OR51M1: variants seen among roughly 807,000 people sequenced by gnomAD.
OR51M1 encodes olfactory receptor 51M1.
For synonymous variants in OR51M1, 199 were observed against 155.1 expected, an observed-to-expected ratio of 1.28 and a Z score of -2.10; for missense variants, 509 against 404.4, an observed-to-expected ratio of 1.26 and a Z score of -2.22.
In OR51M1 at chr11:5,390,094, C is replaced by T. The variant is rs752118550; in HGVS notation, c.696C>T (p.Leu232=). ...TGCTCATCGCACTGTCCTATGGACT[C>T]ATCCTGCACACAGTAGCAGGCCTGG... is the stretch of plus-strand genomic sequence containing the variant. ...DLVLIALSYG[L]ILHTVAGLAS... The change falls in exon 3 of 3, where the codon CTC becomes CTT. Residue 232 remains leucine, a synonymous_variant. Transcript: ENST00000642046. The T allele has an allele frequency of 2.5e-6, 4 of 1,613,770 alleles. No homozygotes were observed. Among genetic ancestry groups the T allele is most frequent in the African/African-American group, 2.7e-5 (2 of 75,054 alleles).
At position 5,389,952 on chromosome 11, in the gene OR51M1, T is replaced by C. The variant is rs990593791; in HGVS notation, c.554T>C (p.Val185Ala). 6.2e-6 allele frequency: 10 copies of C among 1,611,378 alleles called. No homozygotes were observed. Among genetic ancestry groups the C allele is most frequent in the African/African-American group, 1.3e-5 (1 of 74,914 alleles). Residue 185 changes from valine (V) to alanine (A), a missense_variant, in exon 3 of 3, where the codon GTC (valine) becomes GCC (alanine). Transcript: ENST00000642046. ...GCTTTTCCCTACTGTGGATCTGTGG[T>C]CCTCTCCCACTCATTTTGCCTGCAC... is the stretch of plus-strand genomic sequence containing the variant. ...LKAFPYCGSV[V>A]LSHSFCLHQE...
At chr11:5,385,594 A>G (rs550462843) in intron 2 of OR51M1, 136 bp downstream of exon 2, 3 of 152,228 alleles carry the variant, frequency 2.0e-5, no homozygotes, top group Admixed American at 2.0e-4. Flanking sequence ...TAAAAAATGA[A>G]TTATTAGGTT....
intron 2 of OR51M1, among the ~76,000 whole-genome samples, chr11:5,386,372 G>C (rs544029047): frequency 9.9e-5 from 15 of 152,228 alleles, no homozygotes; most frequent in African/African-American, 3.6e-4. Context: ...ATCTTATCCT[G>C]ATTTTCGCTC....
chr11:5,387,246 A>T (rs1206959085), intron 2 of OR51M1, among the ~76,000 whole-genome samples: 1 of 152,182 alleles, frequency 6.6e-6, no homozygotes, highest in Non-Finnish European at 1.5e-5. Context: ...GAGCTCTAAA[A>T]AGGAAGGCAT....
intron 2 of OR51M1, among the ~76,000 whole-genome samples, chr11:5,387,965 G>A (rs1255357904): frequency 6.6e-6 from 1 of 152,022 alleles, no homozygotes; most frequent in Non-Finnish European, 1.5e-5. Flanking sequence ...GTACCTAGGT[G>A]TAAAAGTAAT....
chr11:5,388,979 C>G (rs1285907358), intron 2 of OR51M1, among the ~76,000 whole-genome samples: 2 of 151,836 alleles, frequency 1.3e-5, no homozygotes, highest in African/African-American at 4.8e-5. Flanking sequence ...ACAGATGTTG[C>G]TAGAGTCTGG....
chr11:5,389,702 C>A lies in OR51M1; in HGVS notation c.304C>A (p.His102Asn). The change falls in exon 3 of 3, where the codon CAT becomes AAT. Residue 102 changes from histidine to asparagine, a missense_variant. By Grantham distance (68) the His-to-Asn change is moderately conservative. Coordinates refer to ENST00000642046, the MANE Select transcript of OR51M1 (RefSeq NM_001004756.3). ...TTMGIFWFNS[H>N]SIYFGACQIQ... ...TATGGGGATCTTCTGGTTTAACTCC[C>A]ATAGTATCTACTTTGGAGCGTGTCA... is the stretch of plus-strand genomic sequence containing the variant. 1.2e-6 allele frequency: 2 copies of A among 1,613,826 alleles called. No homozygotes were observed. The highest frequency in any genetic ancestry group is 1.7e-6 in the Non-Finnish European group (2 of 1,179,858).
chr11:5,389,889 G>T lies in OR51M1; in HGVS notation c.491G>T (p.Gly164Val). The T allele has an allele frequency of 6.2e-7, 1 of 1,612,702 alleles. No individual in the cohort carries two copies. The change falls in exon 3 of 3, where the codon GGA becomes GTA. Residue 164 changes from glycine (G) to valine (V), a missense_variant. Physicochemically the swap from Gly to Val is moderately radical, Grantham distance 109. Coordinates refer to ENST00000642046, the MANE Select transcript of OR51M1 (RefSeq NM_001004756.3). ...GCAGGCCTAATTGTCATCTTCCGGG[G>T]ACCTGTGGCCACTATCCCTATTGTC... is the stretch of plus-strand genomic sequence containing the variant. ...VRAGLIVIFR[G>V]PVATIPIVLL...
intron 2 of OR51M1, among the ~76,000 whole-genome samples, chr11:5,388,889 G>A (rs1177167530): frequency 1.3e-5 from 2 of 152,082 alleles, no homozygotes; most frequent in Admixed American, 6.6e-5. Flanking sequence ...TGGTTGATTA[G>A]ATACTATGGA....
rs11037193 is a variant in OR51M1 at position 5,391,313 on chromosome 11, A to G, written c.*934A>G. Reference sequence around the variant, plus strand: ...GATAGCTCCTCCCTTTCCAATGGTAAAGCACCAAATGCTCCATCGGTTTCC... The same window carrying G: ...GATAGCTCCTCCCTTTCCAATGGTAGAGCACCAAATGCTCCATCGGTTTCC... On this transcript the variant is annotated 3_prime_UTR_variant, in exon 3 of 3. Coordinates refer to ENST00000642046, the MANE Select transcript of OR51M1 (RefSeq NM_001004756.3). 146,576 of 152,288 alleles carry G rather than the reference A, an allele frequency of 0.96. 70,932 individuals carry two copies. Among genetic ancestry groups the G allele is most frequent in the African/African-American group, 0.99 (40,994 of 41,558 alleles). The allele number at this position is 152,288 out of a possible 1,614,324, so 9.4% of individuals were successfully genotyped here. A position where few individuals can be genotyped will look rare whatever the true frequency, so the allele number is the denominator to read the frequency against.
intron 2 of OR51M1, 102 bp from the exon 3 acceptor site, chr11:5,389,282 T>C: frequency 1.0e-6 from 1 of 959,916 alleles, no homozygotes; most frequent in East Asian, 2.4e-5. Context: ...AAGGGTGGAG[T>C]AGATAATACT....
In OR51M1 at chr11:5,392,564, T is replaced by C. The variant is rs569608412; in HGVS notation, c.*2185T>C. On this transcript the variant is annotated 3_prime_UTR_variant, in exon 3 of 3. Transcript: ENST00000642046. Reference sequence around the variant, plus strand: ...ACTTCTACCTTACTCAAATTTAAAATGCAAATTAACATATCTTAATTTGTT... The same window carrying C: ...ACTTCTACCTTACTCAAATTTAAAACGCAAATTAACATATCTTAATTTGTT... 3.9e-5 allele frequency: 6 copies of C among 152,336 alleles called. No homozygotes were observed. The South Asian group carries it at 1.2e-3, about 32-fold the overall frequency. 9.4% of individuals were successfully genotyped at this position (152,336 alleles called of 1,614,324 possible).
At chr11:5,386,139 C>T (rs1361308132) in intron 2 of OR51M1, among the ~76,000 whole-genome samples, 1 of 151,820 alleles carries the variant, frequency 6.6e-6, no homozygotes, top group African/African-American at 2.4e-5. Context: ...CAAGTGTTTA[C>T]TGGTTGGAAA....
rs377601269 is a variant in OR51M1, at chr11:5,389,778, T to G, written c.380T>G (p.Leu127Arg). 3.5e-5 allele frequency: 56 copies of G among 1,613,998 alleles called. No homozygotes were observed. The African/African-American group carries it at 6.7e-4, about 19-fold the overall frequency. Residue 127 changes from leucine to arginine, a missense_variant, in exon 3 of 3, where the codon CTC becomes CGC. Physicochemically the swap from Leu to Arg is moderately radical, Grantham distance 102. Coordinates refer to ENST00000642046, the MANE Select transcript of OR51M1 (RefSeq NM_001004756.3). ...HSFSFMESSV[L>R]LMMSFDRLVA... is the part of the protein sequence containing the mutation. ...TTTTCCTTCATGGAGTCCTCAGTGCTCCTCATGATGTCCTTTGACCGCCTT... is the reference window on the plus strand; with the variant it reads ...TTTTCCTTCATGGAGTCCTCAGTGCGCCTCATGATGTCCTTTGACCGCCTT...
Position 5,390,034 on chromosome 11 carries a change from G to C in OR51M1, c.636G>C (p.Leu212=). ...TCACCTTCAATAATCTGTATGGACT[G>C]ATGGTGGTAGTTTTCACTGTGATGC... is the stretch of plus-strand genomic sequence containing the variant. ...TDITFNNLYG[L]MVVVFTVMLD... is the part of the protein sequence containing the mutation. Residue 212 remains leucine, a synonymous_variant, in exon 3 of 3, where the codon CTG becomes CTC. Transcript: ENST00000642046. The C allele has an allele frequency of 4.3e-6, 7 of 1,613,618 alleles. No homozygotes were observed. Among genetic ancestry groups the C allele is most frequent in the Non-Finnish European group, 5.9e-6 (7 of 1,179,884 alleles).
At position 5,390,388 on chromosome 11, in the gene OR51M1, G is replaced by A. The variant is rs1239847742; in HGVS notation, c.*9G>A. 11 of 1,574,546 alleles carry A rather than the reference G, an allele frequency of 7.0e-6. No individual in the cohort carries two copies. In the Middle Eastern group the frequency reaches 1.0e-3, roughly 144 times the overall value. ...AAAAGGCCAGTAAATGAGTCCTGGG[G>A]CTAAAACTCCCCCTAGAGGCCTATA... On this transcript the variant is annotated 3_prime_UTR_variant, in exon 3 of 3. Coordinates refer to ENST00000642046, the MANE Select transcript of OR51M1 (RefSeq NM_001004756.3).
chr11:5,391,502 A>G lies in OR51M1; in HGVS notation c.*1123A>G, dbSNP rs1018170262. 6.6e-5 allele frequency: 10 copies of G among 152,244 alleles called. No homozygotes were observed. The highest frequency in any genetic ancestry group is 2.4e-4 in the African/African-American group (10 of 41,460). 9.4% of individuals were successfully genotyped at this position (152,244 alleles called of 1,614,324 possible). A position where few individuals can be genotyped will look rare whatever the true frequency, so the allele number is the denominator to read the frequency against. The stretch of plus-strand genomic sequence containing the variant: ...TGTATATAAATACAATGCCTAGCAC[A>G]TGCCATATACTCAATAAATATTAAA... On this transcript the variant is annotated 3_prime_UTR_variant, in exon 3 of 3. Coordinates refer to ENST00000642046, the MANE Select transcript of OR51M1 (RefSeq NM_001004756.3).
At chr11:5,384,142 T>A (rs986080789) in intron 1 of OR51M1, among the ~76,000 whole-genome samples, 1 of 151,812 alleles carries the variant, frequency 6.6e-6, no homozygotes, top group South Asian at 2.1e-4. Context: ...CCTAATGGGA[T>A]TTTTTTTTCT....
chr11:5,389,532 T>G lies in OR51M1; in HGVS notation c.134T>G (p.Phe45Cys), dbSNP rs772389044. 1.9e-6 allele frequency: 3 copies of G among 1,614,020 alleles called. No individual in the cohort carries two copies. The highest frequency in any genetic ancestry group is 2.5e-6 in the Non-Finnish European group (3 of 1,179,896). ...IKHWIFIPFF[F>C]MYMVAISGNC... is the part of the protein sequence containing the mutation. ...CACTGGATTTTCATCCCCTTTTTCT[T>G]TATGTACATGGTTGCCATCTCAGGC... Residue 45 changes from phenylalanine (F) to cysteine (C), a missense_variant, in exon 3 of 3, where the codon TTT (phenylalanine) becomes TGT (cysteine). Phe to Cys is a radical substitution (Grantham distance 205, BLOSUM62 -2). Transcript: ENST00000642046.
Sources: gnomAD v4.1 joint callset for allele counts (sites outside exome capture counted in the v4.1 genomes callset) on GRCh38, gnomAD v4.1.1 for gene constraint, MANE v1.5 for transcripts, NCBI Gene and HGNC (gene_info 2026-07-23, HGNC 2026-07-21) for gene names.